The following CELA3B variants were observed in gnomAD, a reference collection of about 807,000 sequenced individuals.
The protein encoded by CELA3B is chymotrypsin like elastase 3B.
CELA3B carries 34 observed loss-of-function variants against 37.2 expected under a neutral mutation model. The ratio of observed to expected loss-of-function variants is 0.91; its 90% CI spans 0.70 to 1.22. The LOEUF (loss-of-function observed/expected upper bound fraction) is 1.22, where lower values mean the gene tolerates loss of function less well. Ranked by LOEUF, CELA3B falls within the 50% of genes most tolerant of loss-of-function variation. CELA3B has a pLI of 0.00. For missense variants in CELA3B, 340 were observed against 363.1 expected (o/e 0.94, Z 0.52); for synonymous variants, 127 against 143.5 (o/e 0.89, Z 0.82).
At position 21,980,878 on chromosome 1, in the gene CELA3B, C is replaced by G; in HGVS notation, c.184C>G (p.Leu62Val). 2 of 1,612,566 alleles carry G rather than the reference C, an allele frequency of 1.2e-6. No homozygotes were observed. Among genetic ancestry groups the G allele is most frequent in the Non-Finnish European group, 1.7e-6 (2 of 1,179,520 alleles). The change falls in exon 3 of 8, where the codon CTC becomes GTC. Residue 62 changes from leucine (L) to valine (V), a missense_variant. Transcript: ENST00000337107. ...GSFYHTCGGS[L>V]IAPDWVVTAG... Reference sequence around the variant, plus strand: ...CTTCTACCACACCTGTGGCGGTAGCCTCATCGCCCCCGACTGGGTTGTGAC... The same window carrying G: ...CTTCTACCACACCTGTGGCGGTAGCGTCATCGCCCCCGACTGGGTTGTGAC...
chr1:21,989,100 C>A (rs1388473177), intron 7 of CELA3B, among the ~76,000 whole-genome samples, 162 bp from the exon 8 acceptor site: 1 of 151,964 alleles, frequency 6.6e-6, no homozygotes, highest in Non-Finnish European at 1.5e-5. Context: ...GAGGTAAGTT[C>A]TATCATTATC....
chr1:21,998,378 AC>A (rs1475939258), exon 5 of CELA3B: 12 of 339,970 alleles, frequency 3.5e-5, no homozygotes, highest in South Asian at 2.7e-4. Flanking sequence ...AGCACACAAA[AC>A]CCCCCGCCCC....
chr1:21,994,864 T>A (rs554721103), intron 4 of CELA3B, among the ~76,000 whole-genome samples: 6 of 150,060 alleles, frequency 4.0e-5, no homozygotes, highest in African/African-American at 1.5e-4. Context: ...TAGCTGGGCG[T>A]GGTGGTGCGT....
At chr1:21,991,357 T>G (rs1375350552), downstream of CELA3B, among the ~76,000 whole-genome samples, 1 of 143,896 alleles carries the variant, frequency 6.9e-6, no homozygotes, top group South Asian at 2.2e-4. Flanking sequence ...TGTTTTTGAG[T>G]TGGAGTCTCG....
At chr1:21,980,472 C>T (rs1481893267) in intron 2 of CELA3B, among the ~76,000 whole-genome samples, 1 of 151,954 alleles carries the variant, frequency 6.6e-6, no homozygotes, top group Non-Finnish European at 1.5e-5. Flanking sequence ...AAGAGCAAAA[C>T]TCCATCTCAA....
At chr1:21,982,670 T>G (rs532337627) in intron 4 of CELA3B, among the ~76,000 whole-genome samples, 16 of 151,940 alleles carry the variant, frequency 1.1e-4, no homozygotes, top group Admixed American at 9.8e-4. Context: ...CAGCAGTCTG[T>G]TTTTGTTTTG....
intron 4 of CELA3B, among the ~76,000 whole-genome samples, chr1:21,996,449 C>A (rs1644890700): frequency 6.6e-6 from 1 of 151,176 alleles, no homozygotes; most frequent in Non-Finnish European, 1.5e-5. Flanking sequence ...AATGCCATGG[C>A]AACGTCAGGA....
intron 4 of CELA3B, among the ~76,000 whole-genome samples, chr1:21,982,901 A>G (rs1366374354): frequency 6.6e-6 from 1 of 152,012 alleles, no homozygotes; most frequent in Non-Finnish European, 1.5e-5. Context: ...GGATGGTCTC[A>G]ATCTCTTAAC....
chr1:21,977,752 T>C (rs1362812559), intron 1 of CELA3B: 1 of 308,096 alleles, frequency 3.2e-6, no homozygotes, highest in Non-Finnish European at 6.3e-6. Context: ...TTTGTTGAGA[T>C]GGGGTCTTGC....
chr1:21,979,077 T>G (rs1644788523), intron 2 of CELA3B, among the ~76,000 whole-genome samples: 1 of 151,388 alleles, frequency 6.6e-6, no homozygotes, highest in Non-Finnish European at 1.5e-5. Context: ...TTATTATGAC[T>G]ATTATTATTA....
At chr1:21,977,647 T>C (rs1644780032) in intron 1 of CELA3B, among the ~76,000 whole-genome samples, 1 of 152,196 alleles carries the variant, frequency 6.6e-6, no homozygotes, top group Non-Finnish European at 1.5e-5. Flanking sequence ...AGTACTATCA[T>C]TTTCCCCATT....
At chr1:21,986,158 CAGGACTT>C (rs1267390539) in intron 6 of CELA3B, among the ~76,000 whole-genome samples, 1 of 151,106 alleles carries the variant, frequency 6.6e-6, no homozygotes, top group Non-Finnish European at 1.5e-5. Flanking sequence ...CACCTGAGGT[CAGGACTT>C]TGAGACTAAC....
intron 2 of CELA3B, among the ~76,000 whole-genome samples, chr1:21,979,298 G>T (rs112174348): frequency 0.041 from 6,248 of 151,732 alleles, 252 homozygotes; most frequent in African/African-American, 0.11. Context: ...TCTGGAACTT[G>T]TGACCTCAGC....
chr1:21,981,544 AAGG>A (rs747241006), intron 4 of CELA3B, among the ~76,000 whole-genome samples: 3 of 151,616 alleles, frequency 2.0e-5, no homozygotes, highest in Admixed American at 6.6e-5. Flanking sequence ...CTATGGGCAC[AAGG>A]AGGAGCACTG....
At chr1:21,977,612 A>G (rs538792217) in intron 1 of CELA3B, among the ~76,000 whole-genome samples, 6 of 152,322 alleles carry the variant, frequency 3.9e-5, no homozygotes, top group African/African-American at 1.4e-4. Flanking sequence ...TTCTCATGTA[A>G]TTCTCACAAC....
Position 21,995,539 on chromosome 1 carries a change from T to G in CELA3B, c.505-2612T>G, listed in dbSNP as rs537711824. On this transcript the variant is annotated intron_variant, in intron 4 of 4. Coordinates refer to the CELA3B transcript ENST00000400277. ...GTGAGGCTGTGTGCTGATTTCTGGCTGTGGCAGAAGAGATGCCTACAAATT... is the reference window on the plus strand; with the variant it reads ...GTGAGGCTGTGTGCTGATTTCTGGCGGTGGCAGAAGAGATGCCTACAAATT... Among the ~76,000 whole-genome samples, 3 of 151,358 alleles carry G rather than the reference T, an allele frequency of 2.0e-5. No individual in the cohort carries two copies. The South Asian group carries it at 6.2e-4, about 31-fold the overall frequency.
downstream of CELA3B, chr1:21,989,493 G>C (rs1167469112): frequency 1.0e-5 from 5 of 482,870 alleles, no homozygotes; most frequent in African/African-American, 1.0e-4. Context: ...GGAGAGAAGG[G>C]AGTTGCTGTG....
intron 4 of CELA3B, among the ~76,000 whole-genome samples, chr1:21,981,944 C>G (rs577040546): frequency 1.2e-4 from 19 of 152,170 alleles, no homozygotes; most frequent in African/African-American, 2.9e-4. Flanking sequence ...CCAGGATGAT[C>G]TCGATCTCCT....
chr1:21,979,712 C>T (rs530004042), intron 2 of CELA3B, among the ~76,000 whole-genome samples: 49 of 150,866 alleles, frequency 3.2e-4, no homozygotes, highest in African/African-American at 1.2e-3. Flanking sequence ...TCTTGACCTC[C>T]CACAGTGCTG....
Sources: gnomAD v4.1 joint callset for allele counts (sites outside exome capture counted in the v4.1 genomes callset) on GRCh38, gnomAD v4.1.1 for gene constraint, MANE v1.5 for transcripts, NCBI Gene and HGNC (gene_info 2026-07-23, HGNC 2026-07-21) for gene names.